The following FERMT2 variants were observed in gnomAD, a reference collection of about 807,000 sequenced individuals.
FERMT2 encodes fermitin family homolog 2.
FERMT2 carries 15 observed loss-of-function variants against 82.7 expected under a neutral mutation model. The ratio of observed to expected loss-of-function variants is 0.18; its 90% CI spans 0.12 to 0.28. The LOEUF (loss-of-function observed/expected upper bound fraction) is 0.28. Among genes scored for constraint, FERMT2 ranks in the 10% least tolerant of loss-of-function variants. The pLI is 1.00. For synonymous variants in FERMT2, 274 were observed against 271.5 expected, an observed-to-expected ratio of 1.01 and a Z score of -0.09; for missense variants, 645 against 809.4, an observed-to-expected ratio of 0.80 and a Z score of 2.46.
At chr14:52,934,542 T>C (rs1283811232) in intron 2 of FERMT2, among the ~76,000 whole-genome samples, 1 of 152,230 alleles carries the variant, frequency 6.6e-6, no homozygotes, top group East Asian at 1.9e-4. Context: ...ATGAAATATC[T>C]CTGACAGCTC....
chr14:52,901,830 C>T (rs149706539), intron 3 of FERMT2, among the ~76,000 whole-genome samples: 6 of 152,226 alleles, frequency 3.9e-5, no homozygotes, highest in Admixed American at 6.5e-5. Flanking sequence ...ATAGAGGACA[C>T]AGGTGAGCCA....
intron 2 of FERMT2, among the ~76,000 whole-genome samples, chr14:52,945,076 T>C (rs1335027147): frequency 6.6e-6 from 1 of 151,918 alleles, no homozygotes; most frequent in East Asian, 1.9e-4. Context: ...AATTTTTGTA[T>C]TTTCTGTTTT....
chr14:52,885,054 T>C (rs1401991550), intron 4 of FERMT2, among the ~76,000 whole-genome samples: 1 of 151,852 alleles, frequency 6.6e-6, no homozygotes, highest in Non-Finnish European at 1.5e-5. Flanking sequence ...GGCTCATGCC[T>C]GTAATGCCCG....
At chr14:52,858,628 A>G in intron 14 of FERMT2, 78 bp from the exon 15 acceptor site, 2 of 1,310,604 alleles carry the variant, frequency 1.5e-6, no homozygotes, top group Non-Finnish European at 2.1e-6. Context: ...TGTGCTACTT[A>G]AAGTCTGTCA....
At chr14:52,923,778 T>C (rs1889096867) in intron 2 of FERMT2, among the ~76,000 whole-genome samples, 2 of 152,094 alleles carry the variant, frequency 1.3e-5, no homozygotes, top group Middle Eastern at 3.4e-3. Flanking sequence ...AACTAGTGGA[T>C]GAGTAACAAT....
At chr14:52,933,088 A>G (rs1300224386) in intron 2 of FERMT2, among the ~76,000 whole-genome samples, 1 of 152,074 alleles carries the variant, frequency 6.6e-6, no homozygotes, top group Non-Finnish European at 1.5e-5. Context: ...CCCCCACCCC[A>G]TCCAGCAAAG....
intron 2 of FERMT2, among the ~76,000 whole-genome samples, chr14:52,939,633 C>CA (rs1247585925): frequency 6.6e-6 from 1 of 152,150 alleles, no homozygotes; most frequent in African/African-American, 2.4e-5. Flanking sequence ...ACCAGAGGCA[C>CA]AGACAGGTCA....
chr14:52,921,273 A>T (rs1300352001), intron 2 of FERMT2, among the ~76,000 whole-genome samples: 1 of 152,214 alleles, frequency 6.6e-6, no homozygotes, highest in Non-Finnish European at 1.5e-5. Context: ...TTAAAAACCT[A>T]TTTTAATCAA....
intron 2 of FERMT2, among the ~76,000 whole-genome samples, chr14:52,920,817 G>A (rs933554906): frequency 3.9e-5 from 6 of 152,114 alleles, no homozygotes; most frequent in Non-Finnish European, 7.4e-5. Context: ...TGGTACATGT[G>A]CCTGTAGTCC....
chr14:52,859,526 T>C (rs199835806), intron 14 of FERMT2, 47 bp downstream of exon 14: 2 of 1,481,552 alleles, frequency 1.3e-6, no homozygotes, highest in South Asian at 1.5e-5. Context: ...ATGTACTAAT[T>C]TGTATCAGAG....
chr14:52,897,148 T>A (rs561842499), intron 3 of FERMT2, among the ~76,000 whole-genome samples: 2 of 151,868 alleles, frequency 1.3e-5, no homozygotes, highest in South Asian at 4.2e-4. Flanking sequence ...GGGCAAAAAA[T>A]AAAATGTTTT....
chr14:52,909,263 C>T (rs562578440), intron 3 of FERMT2, among the ~76,000 whole-genome samples: 1 of 152,214 alleles, frequency 6.6e-6, no homozygotes, highest in African/African-American at 2.4e-5. Flanking sequence ...TTTTGGAGCA[C>T]TTCAAATTTC....
rs72686362 is a variant in FERMT2, at chr14:52,860,450, A to G, written c.1618T>C (p.Leu540=). The G allele has an allele frequency of 2.4e-4, 387 of 1,613,106 alleles. No homozygotes were observed. Among genetic ancestry groups the G allele is most frequent in the Non-Finnish European group, 2.1e-4 (252 of 1,179,516 alleles). Residue 540 remains leucine, a synonymous_variant, in exon 13 of 15, where the codon TTG becomes CTG. Transcript: ENST00000341590. Reference sequence around the variant, plus strand: ...TGAGCTACATTCTGATGGGCCTCCAAGATTCTCGCTGTTATCTAAACATGA... The same window carrying G: ...TGAGCTACATTCTGATGGGCCTCCAGGATTCTCGCTGTTATCTAAACATGA... The part of the protein sequence containing the change: ...YKNKQITARI[L]EAHQNVAQMS...
At position 52,912,486 on chromosome 14, in the gene FERMT2, C is replaced by T. The variant is rs545507184; in HGVS notation, c.391+6637G>A. Among the ~76,000 whole-genome samples the T allele has an allele frequency of 1.8e-4, 27 of 151,716 alleles. 1 individual carries two copies. The South Asian group carries it at 5.6e-3, about 32-fold the overall frequency. On this transcript the variant is annotated intron_variant, in intron 3 of 14. Transcript: ENST00000341590. ...AACTACCCAGTGAAGCAGAAATTCC[C>T]TGAACATCCTGTAACAGATCACTAC...
intron 2 of FERMT2, among the ~76,000 whole-genome samples, chr14:52,920,807 T>C (rs1261513609): frequency 6.6e-6 from 1 of 151,712 alleles, no homozygotes; most frequent in African/African-American, 2.4e-5. Context: ...TAGCTGGGCA[T>C]GGTACATGTG....
intron 4 of FERMT2, among the ~76,000 whole-genome samples, chr14:52,892,658 T>C (rs1887013108): frequency 6.6e-6 from 1 of 151,440 alleles, no homozygotes; most frequent in South Asian, 2.1e-4. Flanking sequence ...AGGGTTTCAC[T>C]GTGTTAGCCA....
At chr14:52,908,711 C>T (rs1416248616) in intron 3 of FERMT2, among the ~76,000 whole-genome samples, 2 of 152,118 alleles carry the variant, frequency 1.3e-5, no homozygotes, top group African/African-American at 4.8e-5. Context: ...GCTGGTGGTC[C>T]ACTGGTCAAA....
At chr14:52,947,116 C>T (rs1890389682) in intron 2 of FERMT2, among the ~76,000 whole-genome samples, 1 of 152,208 alleles carries the variant, frequency 6.6e-6, no homozygotes, top group African/African-American at 2.4e-5. Flanking sequence ...AAGCCCACTT[C>T]ATGACATATG....
intron 4 of FERMT2, among the ~76,000 whole-genome samples, chr14:52,892,455 T>TGTTTTTG (rs575318741): frequency 4.1e-5 from 2 of 48,280 alleles, no homozygotes; most frequent in African/African-American, 7.7e-5. Flanking sequence ...TGCTGTTTTT[T>TGTTTTTG]GTTTTTTTTT....
Sources: gnomAD v4.1 joint callset for allele counts (sites outside exome capture counted in the v4.1 genomes callset) on GRCh38, gnomAD v4.1.1 for gene constraint, MANE v1.5 for transcripts, NCBI Gene and HGNC (gene_info 2026-07-23, HGNC 2026-07-21) for gene names.